Variants in NCKAP5 observed in about 807,000 individuals in gnomAD.
The protein encoded by NCKAP5 is NCK associated protein 5.
Under a neutral mutation model 167.0 loss-of-function variants are expected in NCKAP5, and 92 were observed. The ratio of observed to expected loss-of-function variants is 0.55; its 90% confidence interval spans 0.47 to 0.66. The LOEUF is 0.66. Among genes scored for constraint, NCKAP5 ranks in the 30% least tolerant of loss-of-function variants. NCKAP5 has a pLI of 0.00. For synonymous variants in NCKAP5, 891 were observed against 877.4 expected, an observed-to-expected ratio of 1.02 and a Z score of -0.27; for missense variants, 2,378 against 2,315.0, an observed-to-expected ratio of 1.03 and a Z score of -0.56.
chr2:133,092,523 T>A (rs2081218279), intron 6 of NCKAP5, among the ~76,000 whole-genome samples: 1 of 152,194 alleles, frequency 6.6e-6, no homozygotes, highest in African/African-American at 2.4e-5. Flanking sequence ...TAAGTTAACA[T>A]TTCAATAGGT....
At chr2:133,671,214 C>CAAAAAAAAAAAAAAAAA in the NCKAP5 span, among the ~76,000 whole-genome samples, 4 of 53,986 alleles carry the variant, frequency 7.4e-5, no homozygotes, top group African/African-American at 2.6e-4. Flanking sequence ...GACTCCGTCT[C>CAAAAAAAAAAAAAAAAA]AAAAAAAAAA....
intron 5 of NCKAP5, among the ~76,000 whole-genome samples, chr2:133,136,747 G>C (rs1242332597): frequency 6.6e-6 from 1 of 152,190 alleles, no homozygotes; most frequent in Non-Finnish European, 1.5e-5. Flanking sequence ...TGATATTCCT[G>C]TATATTGATA....
the NCKAP5 span, among the ~76,000 whole-genome samples, chr2:133,646,217 A>G: frequency 9.2e-5 from 14 of 152,250 alleles, 1 homozygote; most frequent in Admixed American, 4.6e-4. Flanking sequence ...AATAATTTTG[A>G]AAACAGATAA....
chr2:133,049,740 A>G (rs2079540548), intron 6 of NCKAP5, among the ~76,000 whole-genome samples: 1 of 152,018 alleles, frequency 6.6e-6, no homozygotes, highest in Admixed American at 6.6e-5. Context: ...CTCCGTCACC[A>G]AGACGTGTGC....
chr2:133,007,465 C>T (rs1334754791), intron 6 of NCKAP5, among the ~76,000 whole-genome samples: 2 of 152,104 alleles, frequency 1.3e-5, no homozygotes, highest in Non-Finnish European at 2.9e-5. Context: ...CACCTCTCTC[C>T]AAGTTTCAGC....
Position 133,256,874 on chromosome 2 carries a change from C to T in NCKAP5, c.144-43095G>A, listed in dbSNP as rs1225437484. The stretch of plus-strand genomic sequence containing the variant: ...CTTCTCTCCTAGATTCATATAGTGA[C>T]AGAAGACCATTTAATCTTGGCTAGT... On this transcript the variant is annotated intron_variant, in intron 4 of 19. Coordinates refer to ENST00000409261, the MANE Select transcript of NCKAP5 (RefSeq NM_207363.3). Among the ~76,000 whole-genome samples, 10 of 152,130 alleles carry T rather than the reference C, an allele frequency of 6.6e-5. No individual in the cohort carries two copies. The East Asian group carries it at 1.5e-3, about 23-fold the overall frequency.
At chr2:133,312,309 G>C (rs1409624345) in intron 3 of NCKAP5, among the ~76,000 whole-genome samples, 1 of 152,166 alleles carries the variant, frequency 6.6e-6, no homozygotes. Flanking sequence ...CAGCTTAGCA[G>C]ATCTTCAGAG....
chr2:132,729,045 T>C, intron 17 of NCKAP5, 93 bp from the exon 18 acceptor site: 2 of 1,527,760 alleles, frequency 1.3e-6, no homozygotes, highest in African/African-American at 2.7e-5. Context: ...TCAGAAATAA[T>C]AAAAAAGGTC....
chr2:133,102,069 G>A (rs1574033724), intron 6 of NCKAP5, among the ~76,000 whole-genome samples: 3 of 152,174 alleles, frequency 2.0e-5, no homozygotes, highest in Non-Finnish European at 4.4e-5. Context: ...ATAATGCAAT[G>A]ATTATAGGAG....
At position 133,184,742 on chromosome 2, in the gene NCKAP5, T is replaced by C. The variant is rs76841215; in HGVS notation, c.207+28974A>G. Among the ~76,000 whole-genome samples, 1,182 of 152,304 alleles carry C rather than the reference T, an allele frequency of 7.8e-3. 10 individuals are homozygous for C. The highest frequency in any genetic ancestry group is 0.027 in the African/African-American group (1,119 of 41,566). On this transcript the variant is annotated intron_variant, in intron 5 of 19. Coordinates refer to ENST00000409261, the MANE Select transcript of NCKAP5 (RefSeq NM_207363.3). ...GTGATATTGAACATCTTTTCATGTTTGTTGGCTGCTTCCATGTATTCTTTT... is the reference window on the plus strand; with the variant it reads ...GTGATATTGAACATCTTTTCATGTTCGTTGGCTGCTTCCATGTATTCTTTT...
At chr2:133,498,480 A>AAGGAAGGAAGGCAGGCAGGCAGGC (rs1310524686) in intron 3 of NCKAP5, among the ~76,000 whole-genome samples, 6 of 101,804 alleles carry the variant, frequency 5.9e-5, no homozygotes, top group African/African-American at 2.9e-4. Context: ...GGAAGGAAGG[A>AAGGAAGGAAGGCAGGCAGGCAGGC]AGGCAGGCAG....
intron 8 of NCKAP5, among the ~76,000 whole-genome samples, chr2:132,916,379 G>A (rs1018297406): frequency 7.9e-5 from 12 of 151,824 alleles, no homozygotes; most frequent in East Asian, 1.9e-4. Context: ...TGTTACAAAC[G>A]GATCATTATG....
chr2:133,344,057 T>A (rs1465127961), intron 3 of NCKAP5, among the ~76,000 whole-genome samples: 2 of 152,130 alleles, frequency 1.3e-5, no homozygotes, highest in Non-Finnish European at 2.9e-5. Context: ...TAGGCAGGTG[T>A]CAGTCATTCT....
At chr2:133,483,391 CCA>C in intron 3 of NCKAP5, among the ~76,000 whole-genome samples, 1 of 152,076 alleles carries the variant, frequency 6.6e-6, no homozygotes, top group Non-Finnish European at 1.5e-5. Flanking sequence ...TCCTTGGCTC[CCA>C]ACACTCTCTC....
chr2:132,915,499 G>A (rs777088452), intron 8 of NCKAP5: 5 of 152,130 alleles, frequency 3.3e-5, no homozygotes, highest in Non-Finnish European at 7.3e-5. Flanking sequence ...GCTACATCCT[G>A]GGAACAAGGC....
chr2:133,542,119 A>T (rs971669415), intron 2 of NCKAP5, among the ~76,000 whole-genome samples: 1 of 152,080 alleles, frequency 6.6e-6, no homozygotes, highest in African/African-American at 2.4e-5. Flanking sequence ...AATGTTGGGG[A>T]GGAGATGGTT....
intron 2 of NCKAP5, among the ~76,000 whole-genome samples, chr2:133,552,393 C>T (rs1395747423): frequency 7.3e-6 from 1 of 137,566 alleles, no homozygotes; most frequent in Non-Finnish European, 1.6e-5. Flanking sequence ...GGCACATATA[C>T]ACCATGGAAT....
chr2:133,670,621 T>C, the NCKAP5 span, among the ~76,000 whole-genome samples: 3 of 152,230 alleles, frequency 2.0e-5, no homozygotes, highest in Non-Finnish European at 4.4e-5. Context: ...ACAAGGTCCC[T>C]ACCCTCATGG....
chr2:133,546,937 G>A (rs13005808), intron 2 of NCKAP5, among the ~76,000 whole-genome samples: 20 of 152,078 alleles, frequency 1.3e-4, no homozygotes, highest in South Asian at 6.2e-4. Flanking sequence ...CACAGAAGAC[G>A]GGTGATTTCT....
Sources: gnomAD v4.1 joint callset for allele counts (sites outside exome capture counted in the v4.1 genomes callset) on GRCh38, gnomAD v4.1.1 for gene constraint, MANE v1.5 for transcripts, NCBI Gene and HGNC (gene_info 2026-07-23, HGNC 2026-07-21) for gene names.